Variants in FTO observed in about 807,000 individuals in gnomAD.
FTO encodes FTO alpha-ketoglutarate dependent dioxygenase.
A neutral mutation model predicts 63.9 loss-of-function variants in FTO; 47 were observed. That is an observed-to-expected ratio of 0.74 (90% CI 0.58 to 0.94). FTO has a LOEUF of 0.94. Ranked by LOEUF, FTO falls within the 40% of genes least tolerant of loss-of-function variation. FTO has a pLI of 0.00. For missense variants in FTO, 562 were observed against 618.1 expected (o/e 0.91, Z 0.96); for synonymous variants, 207 against 224.4 (o/e 0.92, Z 0.69).
At position 53,731,755 on chromosome 16, in the gene FTO, T is replaced by TC. The variant is rs1183126525; in HGVS notation, c.45+27526_45+27527insC. Among the ~76,000 whole-genome samples the TC allele has an allele frequency of 1.2e-3, 174 of 151,050 alleles. 1 individual carries two copies. Among genetic ancestry groups the TC allele is most frequent in the African/African-American group, 4.1e-3 (170 of 41,196 alleles). ...GCCCAACTAATGTTTGTACTTTTTTTTTTTTTTTTTGAGACGGAGTCTCCC... is the reference window on the plus strand; with the variant it reads ...GCCCAACTAATGTTTGTACTTTTTTTCTTTTTTTTTTGAGACGGAGTCTCCC... On this transcript the variant is annotated intron_variant, in intron 1 of 8. Transcript: ENST00000471389.
At chr16:54,029,864 G>T (rs2084790819) in intron 8 of FTO, among the ~76,000 whole-genome samples, 1 of 152,182 alleles carries the variant, frequency 6.6e-6, no homozygotes, top group Non-Finnish European at 1.5e-5. Context: ...ACTTATTAAA[G>T]AATATTTTTT....
intron 4 of FTO, among the ~76,000 whole-genome samples, chr16:53,848,051 C>T (rs1390792977): frequency 1.3e-5 from 2 of 152,108 alleles, no homozygotes; most frequent in African/African-American, 4.8e-5. Context: ...CCAAAGTCTG[C>T]ACTTAGAATA....
chr16:53,907,826 C>T (rs2151937363), intron 7 of FTO, among the ~76,000 whole-genome samples: 1 of 152,318 alleles, frequency 6.6e-6, no homozygotes, highest in East Asian at 1.9e-4. Flanking sequence ...AAGATACCAG[C>T]TCAATTACTC....
At chr16:53,934,206 G>C in intron 8 of FTO, 97 bp downstream of exon 8, 1 of 1,335,684 alleles carries the variant, frequency 7.5e-7, no homozygotes, top group Admixed American at 1.8e-5. Context: ...CCTTTCCTTT[G>C]AGGGCCCATG....
At position 53,962,984 on chromosome 16, in the gene FTO, A is replaced by C. The variant is rs146221289; in HGVS notation, c.1364+28875A>C. ...TTATTTTCCCACGCTCAAATCCAATAGGAAAAACTGGCATTTTCATCAAAA... is the reference window on the plus strand; with the variant it reads ...TTATTTTCCCACGCTCAAATCCAATCGGAAAAACTGGCATTTTCATCAAAA... On this transcript the variant is annotated intron_variant, in intron 8 of 8. Coordinates refer to ENST00000471389, the MANE Select transcript of FTO (RefSeq NM_001080432.3). Among the ~76,000 whole-genome samples the C allele has an allele frequency of 5.3e-5, 8 of 152,354 alleles. No individual in the cohort carries two copies. The East Asian group carries it at 1.5e-3, about 29-fold the overall frequency.
chr16:54,009,509 G>C (rs1021739633), intron 8 of FTO, among the ~76,000 whole-genome samples: 1 of 152,148 alleles, frequency 6.6e-6, no homozygotes, highest in African/African-American at 2.4e-5. Flanking sequence ...ATCAAGAAAA[G>C]GGAGTGAGAA....
chr16:54,050,683 A>G (rs2085290441), intron 8 of FTO, among the ~76,000 whole-genome samples: 1 of 152,124 alleles, frequency 6.6e-6, no homozygotes, highest in Non-Finnish European at 1.5e-5. Context: ...AGAAGATTTT[A>G]TTACTTCTGC....
intron 1 of FTO, among the ~76,000 whole-genome samples, chr16:53,793,917 A>G (rs2077991904): frequency 6.6e-6 from 1 of 152,200 alleles, no homozygotes; most frequent in South Asian, 2.1e-4. Flanking sequence ...CAATAAACAA[A>G]AGGCATGAAC....
intron 1 of FTO, among the ~76,000 whole-genome samples, chr16:53,727,133 A>C (rs781546532): frequency 2.0e-4 from 31 of 152,196 alleles, no homozygotes; most frequent in Non-Finnish European, 3.8e-4. Flanking sequence ...CACAGGGCCA[A>C]GAGGTTGAAT....
chr16:53,731,748 CTT>C (rs1288180518), intron 1 of FTO, among the ~76,000 whole-genome samples: 7 of 127,346 alleles, frequency 5.5e-5, no homozygotes, highest in Non-Finnish European at 8.3e-5. Context: ...AATGTTTGTA[CTT>C]TTTTTTTTTT....
At chr16:53,836,105 G>C (rs1439932321) in intron 3 of FTO, among the ~76,000 whole-genome samples, 2 of 152,050 alleles carry the variant, frequency 1.3e-5, no homozygotes, top group African/African-American at 4.8e-5. Flanking sequence ...TGGCCAGGCT[G>C]GTCTCGAATT....
chr16:53,844,809 C>T (rs1196350473), intron 4 of FTO, among the ~76,000 whole-genome samples: 1 of 152,138 alleles, frequency 6.6e-6, no homozygotes, highest in Non-Finnish European at 1.5e-5. Flanking sequence ...CTCAAATATG[C>T]TAAACAATTT....
intron 8 of FTO, among the ~76,000 whole-genome samples, chr16:54,064,649 C>T (rs1599303877): frequency 6.6e-6 from 1 of 152,198 alleles, no homozygotes; most frequent in Non-Finnish European, 1.5e-5. Context: ...CCTGACCCTA[C>T]TTGCTCCCTC....
intron 8 of FTO, among the ~76,000 whole-genome samples, chr16:54,006,611 C>T (rs1387587030): frequency 6.6e-6 from 1 of 152,186 alleles, no homozygotes; most frequent in African/African-American, 2.4e-5. Context: ...TGCTGAATGA[C>T]CCAACTGGCC....
At chr16:54,026,709 G>T (rs559074810) in intron 8 of FTO, among the ~76,000 whole-genome samples, 1 of 152,268 alleles carries the variant, frequency 6.6e-6, no homozygotes, top group East Asian at 1.9e-4. Flanking sequence ...GAGAAGCCAG[G>T]AGAGTCATAA....
At chr16:53,797,144 A>C (rs2078097539) in intron 1 of FTO, among the ~76,000 whole-genome samples, 1 of 152,240 alleles carries the variant, frequency 6.6e-6, no homozygotes, top group African/African-American at 2.4e-5. Flanking sequence ...AGACAGGCAC[A>C]GAGATTTCCC....
intron 1 of FTO, among the ~76,000 whole-genome samples, chr16:53,718,800 C>T (rs2075959112): frequency 6.6e-6 from 1 of 152,012 alleles, no homozygotes; most frequent in Non-Finnish European, 1.5e-5. Flanking sequence ...ATAAAGCCTA[C>T]TTGGTTATAT....
intron 1 of FTO, among the ~76,000 whole-genome samples, chr16:53,708,873 G>A (rs1022415706): frequency 6.6e-6 from 1 of 152,056 alleles, no homozygotes; most frequent in African/African-American, 2.4e-5. Flanking sequence ...TGGATTGTTT[G>A]TGTTCCTATT....
chr16:53,709,197 G>A (rs2075706487), intron 1 of FTO, among the ~76,000 whole-genome samples: 1 of 152,080 alleles, frequency 6.6e-6, no homozygotes, highest in African/African-American at 2.4e-5. Context: ...CTTATGCTAT[G>A]GACTTTTATG....
Sources: gnomAD v4.1 joint callset for allele counts (sites outside exome capture counted in the v4.1 genomes callset) on GRCh38, gnomAD v4.1.1 for gene constraint, MANE v1.5 for transcripts, NCBI Gene and HGNC (gene_info 2026-07-23, HGNC 2026-07-21) for gene names.